The following GRID2 variants were observed in gnomAD, a reference collection of about 807,000 sequenced individuals.
GRID2 encodes the protein glutamate receptor ionotropic, delta-2.
Under a neutral mutation model 114.8 loss-of-function variants are expected in GRID2, and 33 were observed. The ratio of observed to expected loss-of-function variants is 0.29; its 90% CI spans 0.22 to 0.38. GRID2 has a LOEUF of 0.38. GRID2 is among the 10% of genes least tolerant of loss of function. The pLI is 1.00. For synonymous variants in GRID2, 505 were observed against 449.9 expected, an observed-to-expected ratio of 1.12 and a Z score of -1.55; for missense variants, 1,184 against 1,257.7, an observed-to-expected ratio of 0.94 and a Z score of 0.89.
intron 4 of GRID2, among the ~76,000 whole-genome samples, chr4:93,130,187 C>A (rs1185628388): frequency 6.6e-6 from 1 of 152,182 alleles, no homozygotes; most frequent in Non-Finnish European, 1.5e-5. Context: ...CGCCTGTAAT[C>A]CCACCACTTT....
chr4:92,769,808 C>A (rs1738451927), intron 2 of GRID2, among the ~76,000 whole-genome samples: 1 of 152,116 alleles, frequency 6.6e-6, no homozygotes, highest in Non-Finnish European at 1.5e-5. Context: ...GCACAGGGAC[C>A]CAGGGCCCAG....
intron 14 of GRID2, among the ~76,000 whole-genome samples, chr4:93,722,672 G>A (rs917463866): frequency 5.3e-5 from 8 of 152,126 alleles, no homozygotes; most frequent in Non-Finnish European, 8.8e-5. Flanking sequence ...ATCACTTCCT[G>A]AGAGTTCTCT....
chr4:92,650,597 A>T (rs1270033409), intron 2 of GRID2, among the ~76,000 whole-genome samples: 2 of 151,772 alleles, frequency 1.3e-5, no homozygotes, highest in African/African-American at 4.8e-5. Context: ...GAGAAGTACA[A>T]GGTATCTGAG....
At chr4:92,646,100 C>G (rs1348680471) in intron 2 of GRID2, among the ~76,000 whole-genome samples, 1 of 80,196 alleles carries the variant, frequency 1.2e-5, no homozygotes, top group Non-Finnish European at 2.9e-5. Flanking sequence ...CTCTTGGCAT[C>G]ACTTGTTATT....
At chr4:93,377,854 G>GA (rs376335886) in intron 8 of GRID2, among the ~76,000 whole-genome samples, 1,490 of 146,534 alleles carry the variant, frequency 0.01, 15 homozygotes, top group South Asian at 0.056. Context: ...AAGCATTCTG[G>GA]AAAAAAAAAA....
intron 8 of GRID2, among the ~76,000 whole-genome samples, chr4:93,332,702 T>C (rs535600754): frequency 3.9e-5 from 6 of 152,248 alleles, no homozygotes; most frequent in Admixed American, 1.3e-4. Context: ...CATAGGAATA[T>C]GTTCTTGGGT....
intron 14 of GRID2, among the ~76,000 whole-genome samples, chr4:93,761,284 C>T (rs1301374107): frequency 2.0e-5 from 3 of 152,212 alleles, no homozygotes; most frequent in Admixed American, 1.3e-4. Flanking sequence ...AATGATTGGA[C>T]TTGCTATATC....
rs556062856 is a variant in GRID2, at chr4:92,983,794, A to G, written c.245-101201A>G. 1.1e-4 allele frequency among the ~76,000 whole-genome samples: 16 copies of G among 152,230 alleles called. No individual in the cohort carries two copies. In the South Asian group the frequency reaches 1.9e-3, roughly 18 times the overall value. On this transcript the variant is annotated intron_variant, in intron 2 of 15. Transcript: ENST00000282020. ...TCCAACTGTCCAATTAGTCTCTACTATAAGGGCACACTGAAATAAAGGTAG... is the reference window on the plus strand; with the variant it reads ...TCCAACTGTCCAATTAGTCTCTACTGTAAGGGCACACTGAAATAAAGGTAG...
chr4:92,738,036 C>T (rs1736686376), intron 2 of GRID2, among the ~76,000 whole-genome samples: 1 of 152,022 alleles, frequency 6.6e-6, no homozygotes. Context: ...ACATTTTTGG[C>T]CAAGTTTTTT....
chr4:92,765,338 G>C (rs1738206832), intron 2 of GRID2, among the ~76,000 whole-genome samples: 1 of 152,124 alleles, frequency 6.6e-6, no homozygotes, highest in Non-Finnish European at 1.5e-5. Flanking sequence ...ACAAATCTGA[G>C]AACTATTTTT....
intron 1 of GRID2, among the ~76,000 whole-genome samples, chr4:92,478,065 T>C (rs931352550): frequency 6.6e-6 from 1 of 151,718 alleles, no homozygotes; most frequent in African/African-American, 2.4e-5. Context: ...TAAATAACAT[T>C]AAAAAATTGA....
intron 4 of GRID2, among the ~76,000 whole-genome samples, chr4:93,158,072 T>C (rs1397248847): frequency 6.6e-6 from 1 of 151,858 alleles, no homozygotes; most frequent in Non-Finnish European, 1.5e-5. Context: ...ATTACACAAC[T>C]TTCTCAATCA....
chr4:92,592,695 T>C (rs1029031294), intron 2 of GRID2, among the ~76,000 whole-genome samples: 1 of 152,096 alleles, frequency 6.6e-6, no homozygotes, highest in Non-Finnish European at 1.5e-5. Context: ...CCACCAGTTA[T>C]TGTGATGGTC....
At position 92,851,749 on chromosome 4, in the gene GRID2, ATAG is replaced by A. The variant is rs1743816545; in HGVS notation, c.245-233245_245-233243del. On this transcript the variant is annotated intron_variant, in intron 2 of 15. Coordinates refer to ENST00000282020, the MANE Select transcript of GRID2 (RefSeq NM_001510.4). ...TCTAAATGCCATGCTTTCCATTATT[ATAG>A]GTCATAGGAGTACATAATATTGCCT... Among the ~76,000 whole-genome samples the A allele has an allele frequency of 2.6e-5, 4 of 152,076 alleles. No individual in the cohort carries two copies. The South Asian group carries it at 8.3e-4, about 32-fold the overall frequency.
chr4:92,911,240 A>G (rs1021283715), intron 2 of GRID2, among the ~76,000 whole-genome samples: 5 of 152,042 alleles, frequency 3.3e-5, no homozygotes, highest in African/African-American at 1.2e-4. Context: ...TTAAAATACA[A>G]ATTATTGTAT....
intron 2 of GRID2, among the ~76,000 whole-genome samples, chr4:92,727,963 G>A (rs1736142297): frequency 6.6e-6 from 1 of 151,996 alleles, no homozygotes; most frequent in Non-Finnish European, 1.5e-5. Flanking sequence ...TTAAGCTTAT[G>A]AGCAAAGCAT....
At chr4:93,716,362 G>C (rs565716763) in intron 14 of GRID2, among the ~76,000 whole-genome samples, 1 of 152,074 alleles carries the variant, frequency 6.6e-6, no homozygotes, top group Non-Finnish European at 1.5e-5. Context: ...CACAGCAGGG[G>C]GCAGAGTTCA....
intron 14 of GRID2, among the ~76,000 whole-genome samples, chr4:93,693,456 A>T (rs1286390358): frequency 6.6e-6 from 1 of 152,250 alleles, no homozygotes; most frequent in Admixed American, 6.5e-5. Flanking sequence ...GTAGTTTTAT[A>T]AAATTACCAA....
intron 4 of GRID2, among the ~76,000 whole-genome samples, chr4:93,143,699 T>G (rs562670172): frequency 6.6e-6 from 1 of 152,294 alleles, no homozygotes; most frequent in Admixed American, 6.5e-5. Context: ...AAATTTTCAT[T>G]TATTTAAGAC....
Sources: gnomAD v4.1 joint callset for allele counts (sites outside exome capture counted in the v4.1 genomes callset) on GRCh38, gnomAD v4.1.1 for gene constraint, MANE v1.5 for transcripts, NCBI Gene and HGNC (gene_info 2026-07-23, HGNC 2026-07-21) for gene names.